The following EVI5 variants were observed in gnomAD, a reference collection of about 807,000 sequenced individuals.
EVI5 encodes ecotropic viral integration site 5 protein homolog.
EVI5 carries 73 observed loss-of-function variants against 112.0 expected under a neutral mutation model. The observed-to-expected ratio is 0.65, with a 90% CI of 0.54 to 0.79. EVI5 has a LOEUF of 0.79. EVI5 is among the 30% of genes least tolerant of loss of function. EVI5 has a pLI of 0.00. For synonymous variants in EVI5, 305 were observed against 319.9 expected (o/e 0.95, Z 0.50); for missense variants, 900 against 968.8 (o/e 0.93, Z 0.94).
intron 13 of EVI5, among the ~76,000 whole-genome samples, chr1:92,645,728 C>T (rs1008090477): frequency 1.4e-4 from 21 of 152,260 alleles, no homozygotes; most frequent in African/African-American, 5.1e-4. Flanking sequence ...TAATAGCCCC[C>T]ATATTCATCC....
intron 2 of EVI5, chr1:92,733,204 T>TG (rs1203535553): frequency 4.5e-6 from 1 of 223,884 alleles, no homozygotes. Context: ...AATAAAATCT[T>TG]GGAGTATCTT....
chr1:92,743,436 A>G (rs1031835302), intron 1 of EVI5, among the ~76,000 whole-genome samples: 5 of 152,226 alleles, frequency 3.3e-5, no homozygotes, highest in Admixed American at 1.3e-4. Flanking sequence ...AGCCAGCCAT[A>G]AAATGACAAA....
At chr1:92,749,908 TG>T (rs1309902748) in intron 1 of EVI5, among the ~76,000 whole-genome samples, 1 of 152,178 alleles carries the variant, frequency 6.6e-6, no homozygotes, top group Non-Finnish European at 1.5e-5. Flanking sequence ...TCTCTTAAAA[TG>T]CTCAATCAAG....
intron 13 of EVI5, 66 bp downstream of exon 13, chr1:92,662,653 G>GA (rs879246976): frequency 8.7e-3 from 8,100 of 930,396 alleles, no homozygotes; most frequent in South Asian, 0.013. Context: ...TCTGTGCTAT[G>GA]AAAAAAAAAA....
intron 18 of EVI5, among the ~76,000 whole-genome samples, chr1:92,598,469 T>C (rs1314382511): frequency 6.6e-6 from 1 of 152,150 alleles, no homozygotes; most frequent in East Asian, 1.9e-4. Flanking sequence ...AAGAGTCTAG[T>C]AACTAGAATA....
intron 2 of EVI5, among the ~76,000 whole-genome samples, chr1:92,732,884 G>GT (rs1286126359): frequency 7.8e-6 from 1 of 127,896 alleles, no homozygotes; most frequent in African/African-American, 3.0e-5. Context: ...TGGGAGACAT[G>GT]TGAGACTCCA....
chr1:92,775,194 G>A (rs1474864008), intron 1 of EVI5, among the ~76,000 whole-genome samples: 1 of 152,206 alleles, frequency 6.6e-6, no homozygotes, highest in African/African-American at 2.4e-5. Flanking sequence ...TTGGGAGACT[G>A]AGGCAGGTGG....
intron 19 of EVI5, among the ~76,000 whole-genome samples, chr1:92,529,211 T>C (rs765896682): frequency 3.3e-5 from 5 of 152,196 alleles, no homozygotes; most frequent in African/African-American, 4.8e-5. Flanking sequence ...AGTTTAGAAA[T>C]AGGAAAAGAA....
chr1:92,532,943 AAC>A (rs528907904), intron 19 of EVI5, among the ~76,000 whole-genome samples: 43 of 152,244 alleles, frequency 2.8e-4, no homozygotes, highest in African/African-American at 9.9e-4. Context: ...ATCAGAGCAG[AAC>A]TGAAGGAGAT....
chr1:92,734,639 T>C (rs1007907175), intron 2 of EVI5, among the ~76,000 whole-genome samples: 7 of 152,170 alleles, frequency 4.6e-5, no homozygotes, highest in Non-Finnish European at 7.3e-5. Context: ...GCTTTAGATT[T>C]ACTTAAAGGA....
chr1:92,786,485 T>C (rs1438891251), upstream of EVI5, among the ~76,000 whole-genome samples: 1 of 152,204 alleles, frequency 6.6e-6, no homozygotes, highest in Non-Finnish European at 1.5e-5. Context: ...TCCCCTCTTA[T>C]ATTCCATCCG....
At chr1:92,592,047 T>C (rs1392254438) in intron 18 of EVI5, among the ~76,000 whole-genome samples, 2 of 152,152 alleles carry the variant, frequency 1.3e-5, no homozygotes, top group South Asian at 2.1e-4. Flanking sequence ...ATTGAGACCA[T>C]CCTGGCTAAC....
chr1:92,725,536 A>G (rs975855765), intron 2 of EVI5, among the ~76,000 whole-genome samples: 2 of 152,174 alleles, frequency 1.3e-5, no homozygotes, highest in Non-Finnish European at 2.9e-5. Flanking sequence ...CAGCCTGAAT[A>G]ACACGGTGAA....
At chr1:92,634,074 G>T (rs1215094648) in intron 14 of EVI5, among the ~76,000 whole-genome samples, 1 of 152,198 alleles carries the variant, frequency 6.6e-6, no homozygotes, top group Admixed American at 6.5e-5. Context: ...GCTTCCCTTT[G>T]TGGGTAACCC....
In EVI5 at chr1:92,544,893, G is replaced by C. The variant is rs982627518; in HGVS notation, c.2166+18749C>G. Among the ~76,000 whole-genome samples, 9 of 152,250 alleles carry C rather than the reference G, an allele frequency of 5.9e-5. 1 individual carries two copies. The highest frequency in any genetic ancestry group is 3.9e-4 in the Admixed American group (6 of 15,288). On this transcript the variant is annotated intron_variant, in intron 19 of 19. Coordinates refer to ENST00000684568, the MANE Select transcript of EVI5 (RefSeq NM_001350197.2). ...ATCTTATCATATCACAGGTTCCTCAGACTGACCACAATAACTTAAATCAGA... is the reference window on the plus strand; with the variant it reads ...ATCTTATCATATCACAGGTTCCTCACACTGACCACAATAACTTAAATCAGA...
At chr1:92,659,071 TAACTC>T (rs202128946) in intron 13 of EVI5, among the ~76,000 whole-genome samples, 3,191 of 152,078 alleles carry the variant, frequency 0.021, 47 homozygotes, top group Non-Finnish European at 0.029. Flanking sequence ...TTTACAAAAT[TAACTC>T]AAGATGGATT....
At chr1:92,705,227 T>A (rs1002719349) in intron 2 of EVI5, among the ~76,000 whole-genome samples, 1 of 152,180 alleles carries the variant, frequency 6.6e-6, no homozygotes, top group African/African-American at 2.4e-5. Context: ...GCATAACCAA[T>A]CTGCCCAAAC....
chr1:92,717,775 T>C (rs1203089120), intron 2 of EVI5, among the ~76,000 whole-genome samples: 1 of 151,918 alleles, frequency 6.6e-6, no homozygotes, highest in Non-Finnish European at 1.5e-5. Context: ...TCAAGACCCA[T>C]CAGTGTGCTG....
At chr1:92,766,128 ATAATAATAAT>A (rs1407471545) in intron 1 of EVI5, among the ~76,000 whole-genome samples, 10 of 144,470 alleles carry the variant, frequency 6.9e-5, no homozygotes, top group African/African-American at 2.5e-4. Flanking sequence ...AATAATAATA[ATAATAATAAT>A]TAATAAAATA....
Sources: gnomAD v4.1 joint callset for allele counts (sites outside exome capture counted in the v4.1 genomes callset) on GRCh38, gnomAD v4.1.1 for gene constraint, MANE v1.5 for transcripts, NCBI Gene and HGNC (gene_info 2026-07-23, HGNC 2026-07-21) for gene names.